Variants in TMTC2 observed in about 807,000 individuals in gnomAD.
TMTC2 encodes transmembrane O-mannosyltransferase targeting cadherins 2, also known as protein O-mannosyl-transferase TMTC2.
Under a neutral mutation model 82.4 loss-of-function variants are expected in TMTC2, and 43 were observed. The ratio of observed to expected loss-of-function variants is 0.52; its 90% CI spans 0.41 to 0.67. TMTC2 has a LOEUF of 0.67. TMTC2 is among the 30% of genes least tolerant of loss of function. TMTC2 has a pLI of 0.00. For missense variants in TMTC2, 919 were observed against 1,012.4 expected (o/e 0.91, Z 1.25); for synonymous variants, 408 against 381.9 (o/e 1.07, Z -0.80).
intron 4 of TMTC2, among the ~76,000 whole-genome samples, chr12:82,934,419 C>T (rs1876206943): frequency 6.6e-6 from 1 of 151,812 alleles, no homozygotes; most frequent in Non-Finnish European, 1.5e-5. Flanking sequence ...GTGATATTCC[C>T]CTCCCTGCGT....
At chr12:82,804,310 T>C (rs765131555) in intron 1 of TMTC2, among the ~76,000 whole-genome samples, 2 of 152,142 alleles carry the variant, frequency 1.3e-5, no homozygotes, top group Admixed American at 6.5e-5. Flanking sequence ...TCAAAGTAAA[T>C]GGAGTTAAGG....
At chr12:82,824,700 A>T (rs1489160613) in intron 1 of TMTC2, among the ~76,000 whole-genome samples, 1 of 152,182 alleles carries the variant, frequency 6.6e-6, no homozygotes, top group Non-Finnish European at 1.5e-5. Context: ...GATGATTTGT[A>T]ATTATGGAAA....
chr12:82,902,250 T>C (rs1874059611), intron 3 of TMTC2, among the ~76,000 whole-genome samples: 1 of 152,120 alleles, frequency 6.6e-6, no homozygotes, highest in Non-Finnish European at 1.5e-5. Context: ...CCCCAAAAGT[T>C]TGGGAGTCCC....
chr12:82,787,659 G>A (rs1379258945), intron 1 of TMTC2, among the ~76,000 whole-genome samples: 1 of 151,974 alleles, frequency 6.6e-6, no homozygotes, highest in Non-Finnish European at 1.5e-5. Flanking sequence ...CTGTAATCCC[G>A]GCATTTTGGG....
At chr12:82,966,581 T>C (rs1231351356) in intron 6 of TMTC2, among the ~76,000 whole-genome samples, 1 of 152,194 alleles carries the variant, frequency 6.6e-6, no homozygotes. Context: ...GCACTTTAGA[T>C]GACTAATGGG....
intron 8 of TMTC2, among the ~76,000 whole-genome samples, chr12:83,029,014 T>C (rs1039816904): frequency 6.6e-6 from 1 of 152,210 alleles, no homozygotes; most frequent in Non-Finnish European, 1.5e-5. Context: ...AAGTCTGTTG[T>C]CTGATCATTT....
At chr12:83,101,655 A>G (rs1884219732) in intron 11 of TMTC2, among the ~76,000 whole-genome samples, 1 of 152,206 alleles carries the variant, frequency 6.6e-6, no homozygotes, top group Admixed American at 6.5e-5. Context: ...AGTGGGAAGA[A>G]TTGGGTTTGG....
At chr12:82,826,574 G>A (rs556172981) in intron 1 of TMTC2, among the ~76,000 whole-genome samples, 58 of 152,320 alleles carry the variant, frequency 3.8e-4, no homozygotes, top group African/African-American at 1.4e-3. Context: ...TTGCAGAGAT[G>A]GAGAGCCTCA....
chr12:82,857,053 T>C lies in TMTC2; in HGVS notation c.127T>C (p.Trp43Arg). ...TNQDLLPETP[W>R]THIFYNDFWG... Reference sequence around the variant, plus strand: ...TCAGGACCTTCTCCCAGAAACTCCATGGACGCACATTTTCTACAATGATTT... The same window carrying C: ...TCAGGACCTTCTCCCAGAAACTCCACGGACGCACATTTTCTACAATGATTT... The change falls in exon 2 of 12, where the codon TGG becomes CGG. Residue 43 changes from tryptophan to arginine, a missense_variant. Coordinates refer to ENST00000321196, the MANE Select transcript of TMTC2 (RefSeq NM_152588.3). 1 of 1,613,420 alleles carries C rather than the reference T, an allele frequency of 6.2e-7. No individual in the cohort carries two copies. Among genetic ancestry groups the C allele is most frequent in the Non-Finnish European group, 8.5e-7 (1 of 1,180,034 alleles).
chr12:82,950,620 G>A (rs192991261), intron 4 of TMTC2, among the ~76,000 whole-genome samples: 157 of 152,282 alleles, frequency 1.0e-3, no homozygotes, highest in African/African-American at 3.5e-3. Context: ...TGTCACAAAG[G>A]TAGTAATGGA....
At chr12:83,103,522 TAAAC>T (rs943817093) in intron 11 of TMTC2, among the ~76,000 whole-genome samples, 1 of 151,918 alleles carries the variant, frequency 6.6e-6, no homozygotes, top group Non-Finnish European at 1.5e-5. Context: ...GCCTCACACT[TAAAC>T]AACCAGATGT....
intron 3 of TMTC2, among the ~76,000 whole-genome samples, chr12:82,922,298 T>G (rs925083961): frequency 6.6e-6 from 1 of 152,200 alleles, no homozygotes; most frequent in Admixed American, 6.5e-5. Context: ...AGTCTTTGAG[T>G]GGTCCAAAGA....
At chr12:82,705,663 A>G (rs1592860932) in intron 1 of TMTC2, among the ~76,000 whole-genome samples, 2 of 152,240 alleles carry the variant, frequency 1.3e-5, no homozygotes, top group African/African-American at 4.8e-5. Context: ...GTGTTAAGTC[A>G]TTCTTATGTA....
chr12:82,768,035 C>G (rs115584979), intron 1 of TMTC2, among the ~76,000 whole-genome samples: 5,053 of 119,234 alleles, frequency 0.042, 273 homozygotes, highest in African/African-American at 0.16. Context: ...ACTTACTCAT[C>G]TTTACCTATC....
intron 1 of TMTC2, among the ~76,000 whole-genome samples, chr12:82,799,037 C>T (rs1878868058): frequency 6.6e-6 from 1 of 152,078 alleles, no homozygotes; most frequent in Non-Finnish European, 1.5e-5. Flanking sequence ...CAGAAAGTTC[C>T]TCCGTCTGCC....
chr12:82,767,692 T>C (rs1176502053), intron 1 of TMTC2, among the ~76,000 whole-genome samples: 1 of 152,242 alleles, frequency 6.6e-6, no homozygotes, highest in African/African-American at 2.4e-5. Context: ...CATACGTAGC[T>C]TTTCCTCCTT....
chr12:82,906,344 A>T (rs943410114), intron 3 of TMTC2, among the ~76,000 whole-genome samples: 1 of 152,134 alleles, frequency 6.6e-6, no homozygotes, highest in African/African-American at 2.4e-5. Flanking sequence ...TTTTCAACAG[A>T]AGTTCAGATT....
At chr12:83,100,154 A>G (rs939510237) in intron 11 of TMTC2, among the ~76,000 whole-genome samples, 2 of 152,078 alleles carry the variant, frequency 1.3e-5, no homozygotes, top group African/African-American at 4.8e-5. Flanking sequence ...TCCTGACCTC[A>G]GATGATCCAC....
chr12:83,127,594 A>G (rs2137569983), intron 11 of TMTC2, among the ~76,000 whole-genome samples: 1 of 152,254 alleles, frequency 6.6e-6, no homozygotes, highest in Admixed American at 6.5e-5. Flanking sequence ...AGAAACATGG[A>G]TTCCCAACCC....
Sources: allele counts gnomAD v4.1 joint callset (sites outside exome capture counted in the v4.1 genomes callset), GRCh38; gene constraint gnomAD v4.1.1; transcripts MANE v1.5; gene names NCBI Gene and HGNC (gene_info 2026-07-23, HGNC 2026-07-21).